The following DLGAP1 variants were observed in gnomAD, a reference collection of about 807,000 sequenced individuals.
The protein encoded by DLGAP1 is DLG associated protein 1, also known as disks large-associated protein 1.
DLGAP1 carries 11 observed loss-of-function variants against 90.8 expected under a neutral mutation model. The ratio of observed to expected loss-of-function variants is 0.12; its 90% CI spans 0.08 to 0.20. The LOEUF (loss-of-function observed/expected upper bound fraction) is 0.20, where lower values mean the gene tolerates loss of function less well. Among genes scored for constraint, DLGAP1 ranks in the 10% least tolerant of loss-of-function variants. The probability of loss-of-function intolerance (pLI) is 1.00; values close to 1 mark genes in which losing one functional copy is unlikely to be tolerated. For synonymous variants in DLGAP1, 558 were observed against 540.7 expected (o/e 1.03, Z -0.44); for missense variants, 1,050 against 1,333.8 (o/e 0.79, Z 3.31).
At chr18:3,919,740 ATAT>A (rs1341937256) in intron 3 of DLGAP1, among the ~76,000 whole-genome samples, 1 of 152,236 alleles carries the variant, frequency 6.6e-6, no homozygotes, top group Non-Finnish European at 1.5e-5. Context: ...CAGTTCTACA[ATAT>A]TATCACTAGC....
At chr18:4,290,571 C>T (rs891895204) in intron 1 of DLGAP1, among the ~76,000 whole-genome samples, 11 of 152,162 alleles carry the variant, frequency 7.2e-5, no homozygotes, top group East Asian at 3.9e-4. Flanking sequence ...CAGTCTGTCT[C>T]GAGTCATCTT....
chr18:3,783,993 T>C (rs1011663010), intron 5 of DLGAP1, among the ~76,000 whole-genome samples: 3 of 152,230 alleles, frequency 2.0e-5, no homozygotes, highest in African/African-American at 4.8e-5. Context: ...TTTTTGCTCC[T>C]GGCCCCTGGC....
intron 9 of DLGAP1, among the ~76,000 whole-genome samples, chr18:3,552,343 G>A (rs973104979): frequency 1.3e-5 from 2 of 152,080 alleles, no homozygotes; most frequent in African/African-American, 4.8e-5. Context: ...TCTCATTCTT[G>A]AGAAGCACAC....
chr18:3,790,273 C>CT (rs11449067), intron 5 of DLGAP1, among the ~76,000 whole-genome samples: 21,671 of 144,094 alleles, frequency 0.15, 2,004 homozygotes, highest in East Asian at 0.4. Context: ...CTTTTTTTTT[C>CT]TTTTTTTTTT....
chr18:3,836,034 T>C (rs2068360896), intron 4 of DLGAP1, among the ~76,000 whole-genome samples: 2 of 152,258 alleles, frequency 1.3e-5, no homozygotes, highest in Admixed American at 1.3e-4. Context: ...AAGTGATTAA[T>C]ATTAGCCCTA....
At chr18:3,799,513 T>A (rs892179408) in intron 5 of DLGAP1, among the ~76,000 whole-genome samples, 3 of 151,110 alleles carry the variant, frequency 2.0e-5, no homozygotes, top group African/African-American at 7.3e-5. Context: ...TTTTTTTTTT[T>A]AAATACAGGA....
intron 1 of DLGAP1, among the ~76,000 whole-genome samples, chr18:4,266,392 T>G (rs1426928894): frequency 1.3e-5 from 2 of 152,174 alleles, no homozygotes; most frequent in Non-Finnish European, 2.9e-5. Context: ...TAATGGCAAT[T>G]TGGGCATAAA....
At chr18:3,629,764 G>T (rs1020355157) in intron 7 of DLGAP1, among the ~76,000 whole-genome samples, 2 of 152,078 alleles carry the variant, frequency 1.3e-5, no homozygotes, top group African/African-American at 4.8e-5. Context: ...TCTCACTGTG[G>T]ATTTAATTTA....
rs73940212 is a variant in DLGAP1 at position 3,712,035 on chromosome 18, C to T, written c.1591+17100G>A. On this transcript the variant is annotated intron_variant, in intron 7 of 12. Coordinates refer to ENST00000315677, the MANE Select transcript of DLGAP1 (RefSeq NM_004746.4). ...ATTTTTGTGACGATCACACTGACCC[C>T]GGTGGGGTGGCATGGGGGGAGCATG... is the stretch of plus-strand genomic sequence containing the variant. 2.5e-3 allele frequency among the ~76,000 whole-genome samples: 387 copies of T among 152,064 alleles called. 1 individual carries two copies. Among genetic ancestry groups the T allele is most frequent in the African/African-American group, 8.7e-3 (361 of 41,482 alleles).
chr18:4,429,714 C>T lies in DLGAP1; in HGVS notation c.-267+25292G>A, dbSNP rs375877030. ...ACTTTGCATAGCCTGGCCTCTTGCA[C>T]GTATTTATCATGAAACAGGCATAAA... is the stretch of plus-strand genomic sequence containing the variant. On this transcript the variant is annotated intron_variant, in intron 1 of 12. Transcript: ENST00000315677. 1.1e-4 allele frequency among the ~76,000 whole-genome samples: 17 copies of T among 151,768 alleles called. No individual in the cohort carries two copies. The South Asian group carries it at 1.7e-3, about 15-fold the overall frequency.
At chr18:3,941,573 G>A (rs1309615561) in intron 3 of DLGAP1, among the ~76,000 whole-genome samples, 2 of 152,172 alleles carry the variant, frequency 1.3e-5, no homozygotes, top group Non-Finnish European at 2.9e-5. Flanking sequence ...GAAGCCTGGA[G>A]GACCCTTGGG....
chr18:4,244,021 C>CT (rs544083035), intron 1 of DLGAP1, among the ~76,000 whole-genome samples: 1 of 151,482 alleles, frequency 6.6e-6, no homozygotes, highest in Admixed American at 6.6e-5. Context: ...CTTTCTTGCT[C>CT]TTTTTTTTTC....
chr18:4,269,575 C>T (rs1035846582), intron 1 of DLGAP1, among the ~76,000 whole-genome samples: 4 of 151,820 alleles, frequency 2.6e-5, no homozygotes, highest in Non-Finnish European at 5.9e-5. Context: ...AGGATGGTCT[C>T]GATCTCCTGA....
Position 3,534,912 on chromosome 18 carries a change from G to C in DLGAP1, c.2058-297C>G, listed in dbSNP as rs546196748. ...TCACTGTGTTGAACAGGTGGGTCTCGAACTACTGGCCTCAAGTGATCTGCC... is the reference window on the plus strand; with the variant it reads ...TCACTGTGTTGAACAGGTGGGTCTCCAACTACTGGCCTCAAGTGATCTGCC... On this transcript the variant is annotated intron_variant, in intron 9 of 12. Coordinates refer to ENST00000315677, the MANE Select transcript of DLGAP1 (RefSeq NM_004746.4). Among the ~76,000 whole-genome samples the C allele has an allele frequency of 7.8e-4, 118 of 152,066 alleles. 1 individual carries two copies. The highest frequency in any genetic ancestry group is 2.8e-3 in the African/African-American group (117 of 41,480).
chr18:4,192,300 A>G (rs1312430075), intron 1 of DLGAP1, among the ~76,000 whole-genome samples: 1 of 152,204 alleles, frequency 6.6e-6, no homozygotes, highest in African/African-American at 2.4e-5. Flanking sequence ...AAGAAAGTAG[A>G]ATGGCTTATG....
chr18:3,880,297 C>A lies in DLGAP1; in HGVS notation c.-72-157G>T, dbSNP rs575256900. On this transcript the variant is annotated intron_variant, in intron 3 of 12. Coordinates refer to ENST00000315677, the MANE Select transcript of DLGAP1 (RefSeq NM_004746.4). ...ATCCTGGGCTCAAGCCATCCTTCCA[C>A]ACCAGCCTCCCGAGTAGCTAGGACT... is the stretch of plus-strand genomic sequence containing the variant. Among the ~76,000 whole-genome samples, 16 of 152,282 alleles carry A rather than the reference C, an allele frequency of 1.1e-4. No homozygotes were observed. The South Asian group carries it at 1.2e-3, about 12-fold the overall frequency.
At chr18:4,181,695 TTC>T (rs2144663986) in intron 1 of DLGAP1, among the ~76,000 whole-genome samples, 1 of 149,520 alleles carries the variant, frequency 6.7e-6, no homozygotes, top group South Asian at 2.1e-4. Context: ...TTTGGATTTC[TTC>T]TTTTTTTTTT....
chr18:4,253,326 T>C (rs1303408323), intron 1 of DLGAP1, among the ~76,000 whole-genome samples: 1 of 152,138 alleles, frequency 6.6e-6, no homozygotes, highest in African/African-American at 2.4e-5. Flanking sequence ...AAGATAAGTT[T>C]CAGTGAGAAA....
intron 3 of DLGAP1, among the ~76,000 whole-genome samples, chr18:3,880,698 T>C (rs529816267): frequency 1.2e-4 from 19 of 152,050 alleles, no homozygotes; most frequent in East Asian, 5.9e-4. Flanking sequence ...ATCCCAGCAC[T>C]TTGGGGGGCC....
Sources: gnomAD v4.1 joint callset for allele counts (sites outside exome capture counted in the v4.1 genomes callset) on GRCh38, gnomAD v4.1.1 for gene constraint, MANE v1.5 for transcripts, NCBI Gene and HGNC (gene_info 2026-07-23, HGNC 2026-07-21) for gene names.